Variants in CNTN6 observed in about 807,000 individuals in gnomAD.
The protein encoded by CNTN6 is contactin-6.
CNTN6 carries 137 observed loss-of-function variants against 122.8 expected under a neutral mutation model. The observed-to-expected ratio is 1.12, with a 90% CI of 0.97 to 1.29. CNTN6 has a LOEUF of 1.29. Among genes scored for constraint, CNTN6 ranks in the 50% most tolerant of loss-of-function variants. The pLI is 0.00. For missense variants in CNTN6, 1,634 were observed against 1,223.4 expected (o/e 1.34, Z -5.01); for synonymous variants, 570 against 426.0 (o/e 1.34, Z -4.16).
At chr3:1,187,680 GA>G (rs2093648871) in intron 2 of CNTN6, among the ~76,000 whole-genome samples, 1 of 152,180 alleles carries the variant, frequency 6.6e-6, no homozygotes, top group African/African-American at 2.4e-5. Flanking sequence ...GAGGCCAAGG[GA>G]AAAATGCAAA....
At chr3:1,244,835 A>G (rs2094538261) in intron 4 of CNTN6, among the ~76,000 whole-genome samples, 1 of 151,278 alleles carries the variant, frequency 6.6e-6, no homozygotes, top group Non-Finnish European at 1.5e-5. Flanking sequence ...CACAAAGTAC[A>G]TTCTCAAGGG....
At chr3:1,380,137 T>C (rs1458403242) in intron 17 of CNTN6, among the ~76,000 whole-genome samples, 2 of 152,152 alleles carry the variant, frequency 1.3e-5, no homozygotes, top group African/African-American at 2.4e-5. Context: ...ATGTCACTCC[T>C]GTTGTAGTTG....
At chr3:1,180,868 T>A (rs1274314271) in intron 2 of CNTN6, among the ~76,000 whole-genome samples, 1 of 152,222 alleles carries the variant, frequency 6.6e-6, no homozygotes, top group Non-Finnish European at 1.5e-5. Context: ...TGTTATATGA[T>A]AAAGTGCTTT....
Position 1,245,243 on chromosome 3 carries a change from C to A in CNTN6, c.358+17250C>A, listed in dbSNP as rs1419289238. The stretch of plus-strand genomic sequence containing the variant: ...ATATATATATATATATATACACACA[C>A]ACATATATATATAACATATATATAT... On this transcript the variant is annotated intron_variant, in intron 4 of 22. Transcript: ENST00000446702. 2.4e-3 allele frequency among the ~76,000 whole-genome samples: 26 copies of A among 10,890 alleles called. 2 individuals carry two copies. The highest frequency in any genetic ancestry group is 7.1e-3 in the African/African-American group (17 of 2,398). 7.1% of individuals were successfully genotyped at this position (10,890 alleles called of 152,430 possible).
intron 1 of CNTN6, among the ~76,000 whole-genome samples, chr3:1,100,236 G>A (rs568992062): frequency 2.0e-5 from 3 of 152,130 alleles, no homozygotes; most frequent in East Asian, 1.9e-4. Context: ...GTTGAAAATC[G>A]CTTATGTTAG....
intron 12 of CNTN6, among the ~76,000 whole-genome samples, chr3:1,362,969 A>G (rs1707689022): frequency 6.6e-6 from 1 of 151,888 alleles, no homozygotes; most frequent in Non-Finnish European, 1.5e-5. Context: ...AAGAAAATGA[A>G]ATGACATTTT....
intron 1 of CNTN6, among the ~76,000 whole-genome samples, chr3:1,145,549 AGCTG>A (rs2092706616): frequency 6.6e-6 from 1 of 152,172 alleles, no homozygotes; most frequent in African/African-American, 2.4e-5. Flanking sequence ...TTACGTTATA[AGCTG>A]AGGCTTTTTT....
intron 7 of CNTN6, among the ~76,000 whole-genome samples, chr3:1,319,654 T>C (rs1404243136): frequency 6.6e-6 from 1 of 151,552 alleles, no homozygotes. Context: ...ATACTTTGCA[T>C]GTATTTGTTA....
intron 1 of CNTN6, among the ~76,000 whole-genome samples, chr3:1,098,801 T>TAC (rs2090692234): frequency 5.9e-5 from 8 of 135,854 alleles, no homozygotes; most frequent in African/African-American, 2.2e-4. Flanking sequence ...TATATATATA[T>TAC]ATATATATAT....
chr3:1,139,039 G>C (rs183894065), intron 1 of CNTN6, among the ~76,000 whole-genome samples: 82 of 152,124 alleles, frequency 5.4e-4, no homozygotes, highest in African/African-American at 2.0e-3. Flanking sequence ...TTTAGCCCAG[G>C]GGTGGGAAAA....
At chr3:1,125,343 C>G (rs530843620) in intron 1 of CNTN6, among the ~76,000 whole-genome samples, 2 of 151,810 alleles carry the variant, frequency 1.3e-5, no homozygotes, top group Non-Finnish European at 2.9e-5. Flanking sequence ...AATAAATTAT[C>G]AGATACATAA....
chr3:1,251,517 TC>T (rs1238860613), intron 4 of CNTN6, among the ~76,000 whole-genome samples: 6 of 152,166 alleles, frequency 3.9e-5, no homozygotes, highest in Admixed American at 6.5e-5. Context: ...ACTTTCACTT[TC>T]CCCCTTATTT....
chr3:1,201,099 T>TGTGTGTGTGTGTGTGTGTG (rs2093862065), intron 2 of CNTN6, among the ~76,000 whole-genome samples: 35 of 130,088 alleles, frequency 2.7e-4, no homozygotes, highest in African/African-American at 1.0e-3. Flanking sequence ...AGCTAACATT[T>TGTGTGTGTGTGTGTGTGTG]TGTGTGTGTG....
chr3:1,285,660 C>G (rs954719902), intron 5 of CNTN6, among the ~76,000 whole-genome samples: 5 of 152,124 alleles, frequency 3.3e-5, no homozygotes, highest in Non-Finnish European at 5.9e-5. Flanking sequence ...TTAGTGTTAG[C>G]TAACAACTAT....
In CNTN6 at chr3:1,179,207, G is replaced by A. The variant is rs551284889; in HGVS notation, c.55+31144G>A. 1.4e-4 allele frequency among the ~76,000 whole-genome samples: 21 copies of A among 152,182 alleles called. No homozygotes were observed. The South Asian group carries it at 4.1e-3, about 30-fold the overall frequency. The stretch of plus-strand genomic sequence containing the variant: ...GTGAGAACTTACTCATTACCACAAG[G>A]ACAGCACAAGCCATTCATGAGGGAT... On this transcript the variant is annotated intron_variant, in intron 2 of 22. Transcript: ENST00000446702.
At chr3:1,396,186 C>T (rs79933375) in intron 20 of CNTN6, among the ~76,000 whole-genome samples, 2 of 152,142 alleles carry the variant, frequency 1.3e-5, no homozygotes, top group Non-Finnish European at 2.9e-5. Context: ...TATAACATTC[C>T]TCTTCTAGCC....
At chr3:1,220,525 GA>G (rs957766543) in intron 2 of CNTN6, among the ~76,000 whole-genome samples, 161 bp from the exon 3 acceptor site, 14 of 151,960 alleles carry the variant, frequency 9.2e-5, no homozygotes, top group Non-Finnish European at 1.6e-4. Context: ...GTTTACAAGA[GA>G]AAAAAATTCT....
Position 1,158,945 on chromosome 3 carries a change from T to TAC in CNTN6, c.55+10883_55+10884insCA, listed in dbSNP as rs2093055810. The stretch of plus-strand genomic sequence containing the variant: ...ATATATATATATACACACACACATA[T>TAC]ATATATATACACACACACACACACA... On this transcript the variant is annotated intron_variant, in intron 2 of 22. Coordinates refer to ENST00000446702, the MANE Select transcript of CNTN6 (RefSeq NM_001289080.2). 1.5e-4 allele frequency among the ~76,000 whole-genome samples: 16 copies of TAC among 107,412 alleles called. 1 individual carries two copies. Among genetic ancestry groups the TAC allele is most frequent in the African/African-American group, 4.7e-4 (12 of 25,412 alleles). 70.5% of individuals were successfully genotyped at this position (107,412 alleles called of 152,430 possible).
At chr3:1,096,884 C>T (rs539609254) in intron 1 of CNTN6, among the ~76,000 whole-genome samples, 8 of 152,194 alleles carry the variant, frequency 5.3e-5, no homozygotes, top group East Asian at 1.9e-4. Context: ...GTTTTTGCTT[C>T]GTTTTTTATC....
Sources: gnomAD v4.1 joint callset for allele counts (sites outside exome capture counted in the v4.1 genomes callset) on GRCh38, gnomAD v4.1.1 for gene constraint, MANE v1.5 for transcripts, NCBI Gene and HGNC (gene_info 2026-07-23, HGNC 2026-07-21) for gene names.